Variants in THOC2 observed in about 807,000 individuals in gnomAD.
THOC2 encodes THO complex 2.
A neutral mutation model predicts 128.4 loss-of-function variants in THOC2; 10 were observed. That is an observed-to-expected ratio of 0.08 (90% CI 0.05 to 0.13). THOC2 has a LOEUF of 0.13. Among genes scored for constraint, THOC2 ranks in the 10% least tolerant of loss-of-function variants. The pLI is 1.00. For synonymous variants in THOC2, 393 were observed against 396.9 expected (o/e 0.99, Z 0.12); for missense variants, 535 against 1,155.7 (o/e 0.46, Z 7.79).
intron 22 of THOC2, among the ~76,000 whole-genome samples, chrX:123,630,301 T>C (rs746508975): frequency 1.7e-4 from 19 of 111,472 alleles, no homozygotes; most frequent in Non-Finnish European, 3.4e-4. Flanking sequence ...CTCACTATTG[T>C]TCAAAAATCT....
intron 11 of THOC2, among the ~76,000 whole-genome samples, chrX:123,666,071 G>A (rs1334230001): frequency 4.5e-5 from 5 of 110,804 alleles, no homozygotes; most frequent in Non-Finnish European, 7.5e-5. Context: ...AAAAAAATCA[G>A]AGCTCAGAGG....
At chrX:123,691,473 CA>C (rs1425391748) in intron 7 of THOC2, among the ~76,000 whole-genome samples, 7 of 111,662 alleles carry the variant, frequency 6.3e-5, no homozygotes, top group Non-Finnish European at 1.1e-4. Context: ...CACTCAAAAT[CA>C]TGTAGTCAAA....
intron 19 of THOC2, 45 bp from the exon 20 acceptor site, chrX:123,634,115 A>G: frequency 1.4e-6 from 1 of 739,825 alleles, no homozygotes; most frequent in Admixed American, 2.8e-5. Context: ...AGAACTTCAA[A>G]TATAAAAGTA....
intron 8 of THOC2, among the ~76,000 whole-genome samples, chrX:123,674,805 G>A (rs966064402): frequency 4.3e-4 from 48 of 110,733 alleles, no homozygotes; most frequent in African/African-American, 1.6e-3. Context: ...CTTCAATAGT[G>A]TACAAAACCT....
At chrX:123,652,615 A>G (rs1370511850) in intron 12 of THOC2, among the ~76,000 whole-genome samples, 1 of 111,949 alleles carries the variant, frequency 8.9e-6, no homozygotes, top group Non-Finnish European at 1.9e-5. Flanking sequence ...TGCAAAAATC[A>G]CAAGCATTCC....
At chrX:123,665,139 C>A (rs943608031) in intron 12 of THOC2, among the ~76,000 whole-genome samples, 1 of 111,770 alleles carries the variant, frequency 8.9e-6, no homozygotes, top group Admixed American at 9.5e-5. Context: ...TGATGGACCA[C>A]ATATATGACC....
chrX:123,688,585 T>C (rs1240311742), intron 7 of THOC2, among the ~76,000 whole-genome samples: 1 of 110,353 alleles, frequency 9.1e-6, no homozygotes, highest in East Asian at 2.9e-4. Context: ...TAGCCAGGCA[T>C]GGTGGCACAT....
At chrX:123,688,643 A>C (rs1238691721) in intron 7 of THOC2, among the ~76,000 whole-genome samples, 1 of 111,101 alleles carries the variant, frequency 9.0e-6, no homozygotes, top group Non-Finnish European at 1.9e-5. Flanking sequence ...GGATTACTTG[A>C]GCCAGGGAGG....
intron 2 of THOC2, among the ~76,000 whole-genome samples, chrX:123,709,751 G>A (rs1245476802): frequency 9.0e-6 from 1 of 111,569 alleles, no homozygotes; most frequent in Non-Finnish European, 1.9e-5. Flanking sequence ...TAGCTAGAAG[G>A]AATTTTTAAT....
intron 7 of THOC2, among the ~76,000 whole-genome samples, chrX:123,695,765 C>T (rs189663754): frequency 1.3e-4 from 15 of 111,154 alleles, no homozygotes; most frequent in Non-Finnish European, 2.3e-4. Context: ...ATCCCCTCCA[C>T]AAAAAAGAAA....
At chrX:123,691,237 CAACA>C (rs756115557) in intron 7 of THOC2, among the ~76,000 whole-genome samples, 2 of 111,356 alleles carry the variant, frequency 1.8e-5, no homozygotes, top group South Asian at 7.6e-4. Context: ...TAAATAACAA[CAACA>C]AAAAACCCCT....
chrX:123,666,584 T>A (rs1479285178), intron 11 of THOC2, among the ~76,000 whole-genome samples: 1 of 111,629 alleles, frequency 9.0e-6, no homozygotes, highest in Non-Finnish European at 1.9e-5. Flanking sequence ...CTCCTAAGTA[T>A]CCTGCAAGTA....
chrX:123,604,371 GTTTT>G (rs1052444931), intron 38 of THOC2, among the ~76,000 whole-genome samples: 1 of 100,884 alleles, frequency 9.9e-6, no homozygotes, highest in African/African-American at 3.5e-5. Context: ...TGAGTTGTTT[GTTTT>G]TTTTTTTTCT....
intron 2 of THOC2, among the ~76,000 whole-genome samples, chrX:123,708,903 C>T (rs1169656999): frequency 1.8e-5 from 2 of 111,431 alleles, no homozygotes; most frequent in Admixed American, 9.5e-5. Context: ...TCCGCCACCA[C>T]GCCCAGCTAA....
chrX:123,618,208 G>A (rs1603235974), intron 33 of THOC2, among the ~76,000 whole-genome samples: 2 of 111,546 alleles, frequency 1.8e-5, no homozygotes, highest in Admixed American at 9.5e-5. Context: ...TGTGTCTAAT[G>A]TGTTATTTCG....
intron 1 of THOC2, among the ~76,000 whole-genome samples, chrX:123,728,095 C>A (rs1193741366): frequency 9.0e-6 from 1 of 111,698 alleles, no homozygotes; most frequent in African/African-American, 3.2e-5. Context: ...TAAAACAAGA[C>A]AACAAAAAGG....
Position 123,625,085 on chromosome X carries a change from TTTTTGTTTTG to T in THOC2, c.3058-426_3058-417del, listed in dbSNP as rs772357558. ...TGACATACTGGAACATACATTATGT[TTTTTGTTTTG>T]TTTTGTTTTGTTTTGAGACTGAGTC... On this transcript the variant is annotated intron_variant, in intron 25 of 38. Transcript: ENST00000245838. 8.1e-5 allele frequency among the ~76,000 whole-genome samples: 9 copies of T among 110,803 alleles called. No individual in the cohort carries two copies. The South Asian group carries it at 2.7e-3, about 33-fold the overall frequency.
At chrX:123,656,356 G>A (rs1210415260) in intron 12 of THOC2, among the ~76,000 whole-genome samples, 4 of 100,241 alleles carry the variant, frequency 4.0e-5, no homozygotes, top group African/African-American at 7.4e-5. Flanking sequence ...AAAAAAAAGA[G>A]AGAGAGAGAG....
intron 24 of THOC2, 27 bp downstream of exon 24, chrX:123,626,494 A>G (rs778483121): frequency 8.6e-7 from 1 of 1,164,725 alleles, no homozygotes; most frequent in South Asian, 2.0e-5. Flanking sequence ...TACCAGCATC[A>G]GGAACCTAAC....
Sources: gnomAD v4.1 joint callset for allele counts (sites outside exome capture counted in the v4.1 genomes callset) on GRCh38, gnomAD v4.1.1 for gene constraint, MANE v1.5 for transcripts, NCBI Gene and HGNC (gene_info 2026-07-23, HGNC 2026-07-21) for gene names.